GRM8: variants seen among roughly 807,000 people sequenced by gnomAD.
GRM8 encodes glutamate metabotropic receptor 8.
In GRM8, 47 loss-of-function variants were observed where a neutral mutation model predicts 87.2. That is an observed-to-expected ratio of 0.54 (90% CI 0.43 to 0.69). The LOEUF (loss-of-function observed/expected upper bound fraction) is 0.69, where lower values mean the gene tolerates loss of function less well. Among genes scored for constraint, GRM8 ranks in the 30% least tolerant of loss-of-function variants. GRM8 has a pLI of 0.00. For missense variants in GRM8, 1,019 were observed against 1,139.2 expected, an observed-to-expected ratio of 0.89 and a Z score of 1.52; for synonymous variants, 396 against 404.5, an observed-to-expected ratio of 0.98 and a Z score of 0.25.
intron 8 of GRM8, among the ~76,000 whole-genome samples, chr7:126,602,915 G>T (rs932352472): frequency 7.7e-6 from 1 of 129,644 alleles, no homozygotes; most frequent in African/African-American, 2.7e-5. Context: ...TACCAAAGCC[G>T]GGCAGAGACA....
intron 6 of GRM8, among the ~76,000 whole-genome samples, chr7:126,829,695 C>A (rs1452418118): frequency 6.6e-6 from 1 of 151,926 alleles, no homozygotes; most frequent in Non-Finnish European, 1.5e-5. Flanking sequence ...GCATTTAGTC[C>A]AGTTACATTT....
intron 8 of GRM8, among the ~76,000 whole-genome samples, chr7:126,566,323 A>G (rs947941442): frequency 6.6e-5 from 10 of 152,188 alleles, no homozygotes; most frequent in African/African-American, 2.4e-4. Context: ...TCTACAACTC[A>G]ATAGCAAAAA....
At chr7:126,744,128 A>T (rs1815348876) in intron 7 of GRM8, among the ~76,000 whole-genome samples, 1 of 152,088 alleles carries the variant, frequency 6.6e-6, no homozygotes, top group South Asian at 2.1e-4. Flanking sequence ...AGTGAAATGT[A>T]AAACTAAAGC....
chr7:127,023,539 G>A (rs1816485678), intron 3 of GRM8, among the ~76,000 whole-genome samples: 1 of 152,020 alleles, frequency 6.6e-6, no homozygotes, highest in Admixed American at 6.6e-5. Flanking sequence ...GAGAAAATTT[G>A]TCTCCAAATA....
At chr7:126,804,190 C>T (rs1384389739) in intron 6 of GRM8, among the ~76,000 whole-genome samples, 5 of 152,208 alleles carry the variant, frequency 3.3e-5, no homozygotes, top group African/African-American at 1.2e-4. Context: ...CCTGATTCAC[C>T]AGCCCCTTGG....
intron 3 of GRM8, among the ~76,000 whole-genome samples, chr7:127,033,247 T>C (rs1434922182): frequency 6.6e-6 from 1 of 152,052 alleles, no homozygotes; most frequent in African/African-American, 2.4e-5. Context: ...AGCAATATTC[T>C]CTTTCTTTGG....
At chr7:127,054,883 C>A (rs1321318414) in intron 3 of GRM8, among the ~76,000 whole-genome samples, 1 of 149,104 alleles carries the variant, frequency 6.7e-6, no homozygotes, top group African/African-American at 2.4e-5. Context: ...AATAATAATT[C>A]TCAAGTGCAG....
chr7:126,733,155 T>G (rs1229016697), intron 7 of GRM8, among the ~76,000 whole-genome samples: 1 of 152,048 alleles, frequency 6.6e-6, no homozygotes, highest in East Asian at 1.9e-4. Context: ...CTTTTTTTTC[T>G]TCTTCACTAA....
intron 7 of GRM8, among the ~76,000 whole-genome samples, chr7:126,727,882 T>C (rs959562266): frequency 6.6e-6 from 1 of 152,158 alleles, no homozygotes; most frequent in Non-Finnish European, 1.5e-5. Flanking sequence ...AGCTGGGATG[T>C]GTATAGCAAG....
chr7:127,093,236 G>A (rs1824327859), intron 3 of GRM8, among the ~76,000 whole-genome samples: 1 of 152,182 alleles, frequency 6.6e-6, no homozygotes, highest in Non-Finnish European at 1.5e-5. Flanking sequence ...AAGAGGGTAA[G>A]CTTGACTGGA....
intron 7 of GRM8, among the ~76,000 whole-genome samples, chr7:126,648,087 G>T (rs865862214): frequency 6.6e-6 from 1 of 151,888 alleles, no homozygotes; most frequent in Non-Finnish European, 1.5e-5. Context: ...CCTTAAAACC[G>T]ATAGGCTTTT....
At chr7:127,128,391 A>C (rs1038788721) in intron 2 of GRM8, among the ~76,000 whole-genome samples, 7 of 152,112 alleles carry the variant, frequency 4.6e-5, no homozygotes, top group African/African-American at 1.4e-4. Context: ...GTTAAGTCTC[A>C]TGCCAAGACC....
At chr7:126,524,872 T>C (rs191957862) in intron 9 of GRM8, among the ~76,000 whole-genome samples, 1 of 152,334 alleles carries the variant, frequency 6.6e-6, no homozygotes, top group African/African-American at 2.4e-5. Context: ...TGTGTGTGTA[T>C]GGGTCTGTGT....
chr7:126,973,907 A>G (rs549712042), intron 3 of GRM8, among the ~76,000 whole-genome samples: 1 of 152,328 alleles, frequency 6.6e-6, no homozygotes, highest in Admixed American at 6.5e-5. Flanking sequence ...GTCCAGAAAT[A>G]TAATGAACAA....
chr7:127,099,775 C>A lies in GRM8; in HGVS notation c.727+6721G>T, dbSNP rs74818662. On this transcript the variant is annotated intron_variant, in intron 3 of 10. Transcript: ENST00000339582. ...ACCTTCTGAGTATACCCTTCTTCACCCTCTGTTAAGAACTGAATTATCTCC... is the reference window on the plus strand; with the variant it reads ...ACCTTCTGAGTATACCCTTCTTCACACTCTGTTAAGAACTGAATTATCTCC... Among the ~76,000 whole-genome samples the A allele has an allele frequency of 2.1e-3, 323 of 152,230 alleles. 5 individuals are homozygous for A. The highest frequency in any genetic ancestry group is 7.3e-3 in the African/African-American group (305 of 41,524).
intron 2 of GRM8, among the ~76,000 whole-genome samples, chr7:127,205,952 C>T (rs111510248): frequency 6.6e-6 from 1 of 152,172 alleles, no homozygotes; most frequent in Non-Finnish European, 1.5e-5. Context: ...CAACCACATC[C>T]CCATAGGGAT....
At chr7:126,523,586 C>T (rs1424937525) in intron 9 of GRM8, among the ~76,000 whole-genome samples, 1 of 151,676 alleles carries the variant, frequency 6.6e-6, no homozygotes, top group African/African-American at 2.4e-5. Flanking sequence ...CAGCCTCCAT[C>T]TCCCAGGTTC....
intron 3 of GRM8, among the ~76,000 whole-genome samples, chr7:126,947,502 G>A (rs1362343202): frequency 6.6e-6 from 1 of 151,822 alleles, no homozygotes; most frequent in East Asian, 1.9e-4. Context: ...TATATTTTAA[G>A]TATAACTTGT....
intron 1 of GRM8, among the ~76,000 whole-genome samples, chr7:127,247,566 T>A (rs1202310490): frequency 6.6e-6 from 1 of 152,144 alleles, no homozygotes; most frequent in Non-Finnish European, 1.5e-5. Flanking sequence ...CTGCAATATG[T>A]GTGCATGTCT....
Sources: gnomAD v4.1 joint callset for allele counts (sites outside exome capture counted in the v4.1 genomes callset) on GRCh38, gnomAD v4.1.1 for gene constraint, MANE v1.5 for transcripts, NCBI Gene and HGNC (gene_info 2026-07-23, HGNC 2026-07-21) for gene names.